The following ROBO1 variants were observed in gnomAD, a reference collection of about 807,000 sequenced individuals.
ROBO1 encodes roundabout guidance receptor 1.
ROBO1 carries 149 observed loss-of-function variants against 195.9 expected under a neutral mutation model. That is an observed-to-expected ratio of 0.76 (90% CI 0.67 to 0.87). The LOEUF is 0.87. Among genes scored for constraint, ROBO1 ranks in the 40% least tolerant of loss-of-function variants. The probability of loss-of-function intolerance (pLI) is 0.00; values close to 1 mark genes in which losing one functional copy is unlikely to be tolerated. For missense variants in ROBO1, 1,933 were observed against 2,068.3 expected, an observed-to-expected ratio of 0.93 and a Z score of 1.27; for synonymous variants, 816 against 733.2, an observed-to-expected ratio of 1.11 and a Z score of -1.82.
intron 2 of ROBO1, among the ~76,000 whole-genome samples, chr3:79,146,687 T>G (rs1211160303): frequency 6.6e-6 from 1 of 151,984 alleles, no homozygotes; most frequent in African/African-American, 2.4e-5. Context: ...AAGAATTAAA[T>G]GTATGCTACT....
chr3:79,374,915 T>G (rs2036330947), intron 2 of ROBO1, among the ~76,000 whole-genome samples: 1 of 152,210 alleles, frequency 6.6e-6, no homozygotes, highest in South Asian at 2.1e-4. Flanking sequence ...AGCATATGTG[T>G]TTTTATTCTT....
intron 3 of ROBO1, among the ~76,000 whole-genome samples, chr3:79,110,215 T>G (rs2079860872): frequency 6.6e-6 from 1 of 152,094 alleles, no homozygotes; most frequent in Non-Finnish European, 1.5e-5. Flanking sequence ...GTTATTACAG[T>G]GAGTGTGAAT....
chr3:79,712,662 T>C (rs1421615681), intron 1 of ROBO1, among the ~76,000 whole-genome samples: 1 of 152,146 alleles, frequency 6.6e-6, no homozygotes, highest in African/African-American at 2.4e-5. Context: ...AGATTTTCAC[T>C]GTAGACTTAA....
At chr3:79,628,793 G>A (rs927454739) in intron 1 of ROBO1, among the ~76,000 whole-genome samples, 5 of 151,938 alleles carry the variant, frequency 3.3e-5, no homozygotes, top group Non-Finnish European at 7.4e-5. Context: ...TAAAAGCAAA[G>A]GGTTTGGAAA....
At chr3:79,278,697 G>C (rs1188774274) in intron 2 of ROBO1, among the ~76,000 whole-genome samples, 1 of 152,128 alleles carries the variant, frequency 6.6e-6, no homozygotes, top group Non-Finnish European at 1.5e-5. Flanking sequence ...ACTGAAAGTG[G>C]ATCAAAGACC....
chr3:79,330,119 T>C (rs1200708186), intron 2 of ROBO1, among the ~76,000 whole-genome samples: 1 of 151,738 alleles, frequency 6.6e-6, no homozygotes, highest in Non-Finnish European at 1.5e-5. Context: ...TCTAAAATTT[T>C]CTCACTGTGG....
At chr3:78,785,735 G>A (rs996441343) in intron 4 of ROBO1, among the ~76,000 whole-genome samples, 1 of 151,996 alleles carries the variant, frequency 6.6e-6, no homozygotes, top group African/African-American at 2.4e-5. Context: ...TCCACCGTAC[G>A]TTTTCATTGT....
chr3:78,817,991 A>T (rs1372406484), intron 4 of ROBO1, among the ~76,000 whole-genome samples: 2 of 152,186 alleles, frequency 1.3e-5, no homozygotes, highest in Non-Finnish European at 2.9e-5. Flanking sequence ...GTTATATCAA[A>T]ATACAGTTAA....
chr3:78,939,809 T>C (rs976517791), intron 3 of ROBO1, among the ~76,000 whole-genome samples: 6 of 151,598 alleles, frequency 4.0e-5, no homozygotes, highest in African/African-American at 9.7e-5. Context: ...ACTTCAGAGA[T>C]GAAATGCTAA....
At chr3:79,324,918 G>C (rs1377272118) in intron 2 of ROBO1, among the ~76,000 whole-genome samples, 1 of 152,150 alleles carries the variant, frequency 6.6e-6, no homozygotes, top group Non-Finnish European at 1.5e-5. Flanking sequence ...AGCCCAGAGT[G>C]GAAAGTATAG....
At chr3:78,719,990 T>A (rs2082003279) in intron 5 of ROBO1, among the ~76,000 whole-genome samples, 1 of 152,170 alleles carries the variant, frequency 6.6e-6, no homozygotes, top group South Asian at 2.1e-4. Flanking sequence ...GTCTTTATCA[T>A]AACCCTGCTG....
rs1576182699 is a variant in ROBO1 at position 79,653,927 on chromosome 3, A to G, written c.-50-63966T>C. 3.9e-5 allele frequency among the ~76,000 whole-genome samples: 6 copies of G among 152,118 alleles called. No individual in the cohort carries two copies. The South Asian group carries it at 1.2e-3, about 31-fold the overall frequency. ...GAAGTTCCTTTCCCTAAACTTCTACAAAGTACATGTTAGGAAAGTATGTTT... is the reference window on the plus strand; with the variant it reads ...GAAGTTCCTTTCCCTAAACTTCTACGAAGTACATGTTAGGAAAGTATGTTT... On this transcript the variant is annotated intron_variant, in intron 1 of 30. Transcript: ENST00000464233.
intron 4 of ROBO1, among the ~76,000 whole-genome samples, chr3:78,936,276 A>G (rs1357285577): frequency 6.6e-6 from 1 of 152,042 alleles, no homozygotes; most frequent in Non-Finnish European, 1.5e-5. Flanking sequence ...TTACAGCTGT[A>G]AAACTTGGTT....
intron 10 of ROBO1, among the ~76,000 whole-genome samples, chr3:78,671,013 T>C (rs1708033793): frequency 6.6e-6 from 1 of 152,182 alleles, no homozygotes. Context: ...ACACCATACT[T>C]CTCTATTGGG....
At chr3:79,607,394 T>G (rs1038929472) in intron 1 of ROBO1, among the ~76,000 whole-genome samples, 9 of 151,690 alleles carry the variant, frequency 5.9e-5, no homozygotes, top group Admixed American at 4.6e-4. Flanking sequence ...ATAAAAGTTT[T>G]GTTCATTTGA....
intron 19 of ROBO1, 76 bp downstream of exon 19, chr3:78,651,656 G>C: frequency 8.3e-7 from 1 of 1,210,630 alleles, no homozygotes; most frequent in South Asian, 1.8e-5. Flanking sequence ...GCATAATCAT[G>C]AATAATTTGG....
intron 1 of ROBO1, among the ~76,000 whole-genome samples, chr3:79,597,570 G>A (rs577997479): frequency 1.3e-5 from 2 of 151,966 alleles, no homozygotes; most frequent in East Asian, 1.9e-4. Flanking sequence ...TATGTATTTA[G>A]GAAACTCTTT....
intron 1 of ROBO1, among the ~76,000 whole-genome samples, chr3:79,725,159 G>A (rs1447080648): frequency 2.0e-5 from 3 of 152,116 alleles, no homozygotes; most frequent in East Asian, 1.9e-4. Flanking sequence ...TACTACTGGA[G>A]GGCTTATATT....
intron 3 of ROBO1, among the ~76,000 whole-genome samples, chr3:79,005,889 T>C (rs2077608155): frequency 6.6e-6 from 1 of 152,056 alleles, no homozygotes. Flanking sequence ...ATAAAACAAA[T>C]AAGGGAAACT....
Sources: allele counts gnomAD v4.1 joint callset (sites outside exome capture counted in the v4.1 genomes callset), GRCh38; gene constraint gnomAD v4.1.1; transcripts MANE v1.5; gene names NCBI Gene and HGNC (gene_info 2026-07-23, HGNC 2026-07-21).